PIP4K2A: variants seen among roughly 807,000 people sequenced by gnomAD.
PIP4K2A encodes phosphatidylinositol-5-phosphate 4-kinase type 2 alpha.
In PIP4K2A, 14 loss-of-function variants were observed where a neutral mutation model predicts 42.9. The ratio of observed to expected loss-of-function variants is 0.33; its 90% CI spans 0.22 to 0.51. The LOEUF (loss-of-function observed/expected upper bound fraction) is 0.51, where lower values mean the gene tolerates loss of function less well. Ranked by LOEUF, PIP4K2A falls within the 20% of genes least tolerant of loss-of-function variation. PIP4K2A has a pLI of 0.97. For missense variants in PIP4K2A, 434 were observed against 519.8 expected, an observed-to-expected ratio of 0.83 and a Z score of 1.61; for synonymous variants, 192 against 192.2, an observed-to-expected ratio of 1.00 and a Z score of 0.01.
intron 1 of PIP4K2A, among the ~76,000 whole-genome samples, chr10:22,664,156 T>TATATATATACATATATAC (rs1564460170): frequency 6.7e-5 from 4 of 59,516 alleles, no homozygotes; most frequent in South Asian, 3.8e-4. Flanking sequence ...TATATACACA[T>TATATATATACATATATAC]ATATATATAT....
At chr10:22,657,302 C>T (rs1169486167) in intron 1 of PIP4K2A, among the ~76,000 whole-genome samples, 5 of 152,220 alleles carry the variant, frequency 3.3e-5, no homozygotes, top group African/African-American at 9.6e-5. Flanking sequence ...CCATGGGAGA[C>T]AGCTGGGAAT....
intron 3 of PIP4K2A, among the ~76,000 whole-genome samples, chr10:22,600,125 T>C (rs1192331884): frequency 6.6e-6 from 1 of 152,230 alleles, no homozygotes; most frequent in African/African-American, 2.4e-5. Context: ...TACTTTTCCC[T>C]GCATTTTTTA....
At chr10:22,653,628 T>C (rs996831327) in intron 1 of PIP4K2A, among the ~76,000 whole-genome samples, 34 of 152,118 alleles carry the variant, frequency 2.2e-4, no homozygotes, top group Non-Finnish European at 3.2e-4. Context: ...TAGTGGAGAT[T>C]TGGGATCGGG....
At chr10:22,624,138 A>G (rs79905032) in intron 1 of PIP4K2A, among the ~76,000 whole-genome samples, 15,333 of 152,248 alleles carry the variant, frequency 0.1, 834 homozygotes, top group Middle Eastern at 0.19. Context: ...TATGTTTAAC[A>G]TTGGGCAGTA....
intron 1 of PIP4K2A, among the ~76,000 whole-genome samples, chr10:22,686,664 C>G (rs531400233): frequency 4.6e-5 from 7 of 152,028 alleles, no homozygotes; most frequent in Non-Finnish European, 1.0e-4. Context: ...GAAACGAGGT[C>G]TTGCTTTGTT....
At chr10:22,567,971 C>T (rs1224290257) in intron 5 of PIP4K2A, 82 bp from the exon 6 acceptor site, 15 of 1,275,726 alleles carry the variant, frequency 1.2e-5, no homozygotes, top group South Asian at 3.6e-5. Context: ...TGGCTCCAGG[C>T]GGAGCAGAGA....
chr10:22,544,746 C>T (rs1416505318), intron 7 of PIP4K2A, among the ~76,000 whole-genome samples: 2 of 152,226 alleles, frequency 1.3e-5, no homozygotes, highest in Non-Finnish European at 2.9e-5. Flanking sequence ...TCACAGGGCA[C>T]AAACAAAACT....
At chr10:22,668,689 C>A (rs1410515496) in intron 1 of PIP4K2A, among the ~76,000 whole-genome samples, 1 of 152,186 alleles carries the variant, frequency 6.6e-6, no homozygotes, top group East Asian at 1.9e-4. Context: ...AAATGAAATA[C>A]TATGCATGTG....
At chr10:22,642,653 T>A (rs979816973) in intron 1 of PIP4K2A, among the ~76,000 whole-genome samples, 1 of 151,142 alleles carries the variant, frequency 6.6e-6, no homozygotes, top group African/African-American at 2.4e-5. Flanking sequence ...AACAGATCTA[T>A]AATAGAACAG....
chr10:22,659,045 G>C (rs1015151656), intron 1 of PIP4K2A, among the ~76,000 whole-genome samples: 1 of 152,176 alleles, frequency 6.6e-6, no homozygotes, highest in Non-Finnish European at 1.5e-5. Context: ...CCTTGGCTCC[G>C]AGGTTGGGAC....
chr10:22,650,215 G>A (rs1008642595), intron 1 of PIP4K2A, among the ~76,000 whole-genome samples: 3 of 152,190 alleles, frequency 2.0e-5, no homozygotes, highest in Non-Finnish European at 4.4e-5. Flanking sequence ...ACAAGCAGGT[G>A]TGAAGGTTTT....
chr10:22,595,780 T>A (rs1403173721), intron 3 of PIP4K2A, among the ~76,000 whole-genome samples: 1 of 152,154 alleles, frequency 6.6e-6, no homozygotes, highest in Non-Finnish European at 1.5e-5. Flanking sequence ...TCTAGAACAT[T>A]CATCAGTTCT....
intron 4 of PIP4K2A, among the ~76,000 whole-genome samples, chr10:22,574,960 C>T (rs530821208): frequency 1.3e-3 from 205 of 152,178 alleles, no homozygotes; most frequent in Non-Finnish European, 2.3e-3. Context: ...CTAGTCTCCA[C>T]GTGCAGTAGA....
At chr10:22,637,776 G>A (rs1490148267) in intron 1 of PIP4K2A, among the ~76,000 whole-genome samples, 1 of 152,152 alleles carries the variant, frequency 6.6e-6, no homozygotes, top group East Asian at 1.9e-4. Flanking sequence ...GCCACAAAGA[G>A]TGTAAAATCC....
intron 7 of PIP4K2A, among the ~76,000 whole-genome samples, chr10:22,546,877 T>C (rs1456166661): frequency 6.6e-6 from 1 of 152,222 alleles, no homozygotes; most frequent in African/African-American, 2.4e-5. Flanking sequence ...ACAGTATATA[T>C]TTGTTCTTTA....
chr10:22,536,714 C>CAAAAAAAAAAAAAA lies in PIP4K2A; in HGVS notation c.*473_*486dup, dbSNP rs777075795. 4 of 53,974 alleles carry CAAAAAAAAAAAAAA rather than the reference C, an allele frequency of 7.4e-5. No individual in the cohort carries two copies. Among genetic ancestry groups the CAAAAAAAAAAAAAA allele is most frequent in the African/African-American group, 1.9e-4 (3 of 16,020 alleles). The allele number at this position is 53,974 out of a possible 1,614,324, so 3.3% of individuals were successfully genotyped here. On this transcript the variant is annotated 3_prime_UTR_variant, in exon 10 of 10. Transcript: ENST00000376573. ...AATACTGTCTCACATCTTTCAACTC[C>CAAAAAAAAAAAAAA]AAAAAAAAAAAAAAAAAAAAAAAAC...
At chr10:22,566,322 C>T (rs1564423471) in intron 6 of PIP4K2A, among the ~76,000 whole-genome samples, 1 of 152,128 alleles carries the variant, frequency 6.6e-6, no homozygotes, top group South Asian at 2.1e-4. Context: ...AGAAAAGAAC[C>T]TATGTGAATA....
intron 3 of PIP4K2A, among the ~76,000 whole-genome samples, chr10:22,602,875 GC>G (rs955351952): frequency 6.6e-6 from 1 of 152,094 alleles, no homozygotes; most frequent in Non-Finnish European, 1.5e-5. Flanking sequence ...TGCCTGCTGA[GC>G]CCAGCATTGT....
At chr10:22,636,643 A>G (rs560563286) in intron 1 of PIP4K2A, among the ~76,000 whole-genome samples, 7 of 152,246 alleles carry the variant, frequency 4.6e-5, no homozygotes, top group African/African-American at 9.6e-5. Flanking sequence ...TTTACAGCCT[A>G]GGACAGGGAA....
Sources: gnomAD v4.1 joint callset for allele counts (sites outside exome capture counted in the v4.1 genomes callset) on GRCh38, gnomAD v4.1.1 for gene constraint, MANE v1.5 for transcripts, NCBI Gene and HGNC (gene_info 2026-07-23, HGNC 2026-07-21) for gene names.